DIXDC1: variants seen among roughly 807,000 people sequenced by gnomAD.
The protein encoded by DIXDC1 is DIX domain containing 1.
A neutral mutation model predicts 103.1 loss-of-function variants in DIXDC1; 64 were observed. That is an observed-to-expected ratio of 0.62 (90% CI 0.51 to 0.76). The LOEUF is 0.76. DIXDC1 is among the 30% of genes least tolerant of loss of function. DIXDC1 has a pLI of 0.00. For missense variants in DIXDC1, 759 were observed against 834.2 expected (o/e 0.91, Z 1.11); for synonymous variants, 266 against 298.5 (o/e 0.89, Z 1.12).
At chr11:112,004,281 G>A (rs1592622046) in intron 17 of DIXDC1, among the ~76,000 whole-genome samples, 2 of 152,154 alleles carry the variant, frequency 1.3e-5, no homozygotes, top group South Asian at 2.1e-4. Flanking sequence ...TGGAGCAAGG[G>A]AGCAGCTGCC....
chr11:111,970,156 G>A (rs1354388061), intron 3 of DIXDC1, among the ~76,000 whole-genome samples: 1 of 152,156 alleles, frequency 6.6e-6, no homozygotes, highest in African/African-American at 2.4e-5. Flanking sequence ...CCTAGGTTCA[G>A]CTGATTCTCC....
chr11:111,937,451 G>GGCGGCC lies in DIXDC1; in HGVS notation c.-46_-41dup. ...TGCAGAGGGAGGAGGAGGAGGCGGC[G>GGCGGCC]GCGGCCGCCGGGCTGGAGACCCCGC... On this transcript the variant is annotated 5_prime_UTR_variant, in exon 1 of 20. Transcript: ENST00000440460. The GGCGGCC allele has an allele frequency of 6.4e-7, 1 of 1,551,472 alleles. No individual in the cohort carries two copies.
At chr11:111,992,175 A>C (rs1860731127) in intron 10 of DIXDC1, among the ~76,000 whole-genome samples, 1 of 152,154 alleles carries the variant, frequency 6.6e-6, no homozygotes, top group African/African-American at 2.4e-5. Context: ...GCAGAGAAAA[A>C]AAATCAGGCT....
intron 1 of DIXDC1, among the ~76,000 whole-genome samples, chr11:111,962,340 G>A (rs1017397311): frequency 2.6e-5 from 4 of 152,190 alleles, no homozygotes; most frequent in Middle Eastern, 6.8e-3. Context: ...AAATTAGCCC[G>A]GCGTGGTGGC....
In DIXDC1 at chr11:111,974,177, G is replaced by A. The variant is rs753762086; in HGVS notation, c.471G>A (p.Gln157=). 5.9e-5 allele frequency: 96 copies of A among 1,613,894 alleles called. No homozygotes were observed. The highest frequency in any genetic ancestry group is 7.3e-5 in the Non-Finnish European group (86 of 1,179,896). ...CACACTGTGCCACTGCTGTTGCCCA[G>A]GGAGCAGCTGCTGCTCTGGCCGATG... ...HRPHCATAVA[Q]GAAAALADVC... The change falls in exon 4 of 20, where the codon CAG becomes CAA. Residue 157 remains glutamine (Q), a synonymous_variant. Transcript: ENST00000440460.
chr11:111,964,855 T>C, intron 2 of DIXDC1, among the ~76,000 whole-genome samples, 177 bp downstream of exon 2: 1 of 152,234 alleles, frequency 6.6e-6, no homozygotes, highest in African/African-American at 2.4e-5. Flanking sequence ...CAATAAACAT[T>C]GTGTCCCGGG....
At chr11:111,937,161 G>T, upstream of DIXDC1, 2 of 983,436 alleles carry the variant, frequency 2.0e-6, no homozygotes, top group Non-Finnish European at 2.4e-6. Context: ...GCGTGCGGGC[G>T]TGCAGCGCGC....
In DIXDC1 at chr11:112,017,980, T is replaced by A; in HGVS notation, c.1971+95T>A. On this transcript the variant is annotated intron_variant, in intron 19 of 19. Transcript: ENST00000440460. This position sits in a 1 kb window ranked among gnomAD's most constrained non-coding sequence, Gnocchi z 4.0. ...CACTAGTGTCCAGAAGTACATGAGTTCCCTGACTAGGTCAGAAGAATTTGC... is the reference window on the plus strand; with the variant it reads ...CACTAGTGTCCAGAAGTACATGAGTACCCTGACTAGGTCAGAAGAATTTGC... The A allele has an allele frequency of 2.1e-6, 2 of 948,266 alleles. No individual in the cohort carries two copies. The highest frequency in any genetic ancestry group is 2.4e-5 in the Admixed American group (1 of 42,064). The allele number at this position is 948,266 out of a possible 1,614,324, so 58.7% of individuals were successfully genotyped here.
At chr11:111,953,597 C>T (rs374665994) in intron 1 of DIXDC1, among the ~76,000 whole-genome samples, 9 of 152,266 alleles carry the variant, frequency 5.9e-5, no homozygotes, top group African/African-American at 1.9e-4. Flanking sequence ...AAGATCACAC[C>T]ATTGCACTCC....
At chr11:111,990,851 C>A (rs916559274) in intron 10 of DIXDC1, among the ~76,000 whole-genome samples, 2 of 152,046 alleles carry the variant, frequency 1.3e-5, no homozygotes, top group Non-Finnish European at 2.9e-5. Context: ...GGATTACAGG[C>A]GTGTGCCACC....
chr11:111,950,281 G>A (rs1966735345), intron 1 of DIXDC1, among the ~76,000 whole-genome samples: 1 of 150,972 alleles, frequency 6.6e-6, no homozygotes. Flanking sequence ...CTTGAATGAA[G>A]AAGCTGAGTA....
intron 4 of DIXDC1, among the ~76,000 whole-genome samples, chr11:111,974,551 G>A (rs1555172408): frequency 6.6e-6 from 1 of 152,188 alleles, no homozygotes; most frequent in Non-Finnish European, 1.5e-5. Flanking sequence ...TGGGAGGTCC[G>A]TGGGAGCAGT....
Position 111,977,364 on chromosome 11 carries a change from G to GC in DIXDC1, c.656+2383dup. ...GCTGGGGACTCGAGGCGCAGCCTGCGCCGCCGGGAGCCTCCCTCCCAGTGG... is the reference window on the plus strand; with the variant it reads ...GCTGGGGACTCGAGGCGCAGCCTGCGCCCGCCGGGAGCCTCCCTCCCAGTGG... On this transcript the variant is annotated intron_variant, in intron 5 of 19. Transcript: ENST00000440460. This position sits in a 1 kb window ranked among gnomAD's most constrained non-coding sequence, Gnocchi z 6.1. The GC allele has an allele frequency of 1.9e-6, 2 of 1,067,570 alleles. No individual in the cohort carries two copies. Among genetic ancestry groups the GC allele is most frequent in the Non-Finnish European group, 2.3e-6 (2 of 881,906 alleles). The allele number at this position is 1,067,570 out of a possible 1,614,324, so 66.1% of individuals were successfully genotyped here.
chr11:111,947,831 G>A (rs1390150219), intron 1 of DIXDC1, among the ~76,000 whole-genome samples: 7 of 152,064 alleles, frequency 4.6e-5, no homozygotes, highest in South Asian at 2.1e-4. Context: ...TTTCATCAAT[G>A]ATTTAATTGA....
At chr11:111,967,287 C>G (rs1177665461) in intron 2 of DIXDC1, among the ~76,000 whole-genome samples, 2 of 152,236 alleles carry the variant, frequency 1.3e-5, no homozygotes, top group African/African-American at 2.4e-5. Context: ...GTCCTTCCCC[C>G]TACCAATCCC....
At chr11:111,970,048 A>G (rs1327755154) in intron 3 of DIXDC1, among the ~76,000 whole-genome samples, 2 of 152,094 alleles carry the variant, frequency 1.3e-5, no homozygotes, top group Admixed American at 1.3e-4. Context: ...GTGTGCAAAA[A>G]TCAGTAGCAT....
Position 111,980,745 on chromosome 11 carries a change from C to T in DIXDC1, c.665C>T (p.Ser222Leu). The change falls in exon 6 of 20, where the codon TCA (serine) becomes TTA (leucine). Residue 222 changes from serine (S) to leucine (L), a missense_variant. Coordinates refer to ENST00000440460, the MANE Select transcript of DIXDC1 (RefSeq NM_001037954.4). ...PSESSCSSLT[S>L]PSPIHSAKSE... ...TTTTTCTTCAATCACAGCCTGACTT[C>T]ACCCAGTCCAATCCACAGTGCAAAG... The T allele has an allele frequency of 6.2e-7, 1 of 1,613,532 alleles. No individual in the cohort carries two copies. Among genetic ancestry groups the T allele is most frequent in the South Asian group, 1.1e-5 (1 of 90,976 alleles).
At chr11:112,004,026 T>TA (rs1861149643) in intron 17 of DIXDC1, among the ~76,000 whole-genome samples, 1 of 128,516 alleles carries the variant, frequency 7.8e-6, no homozygotes, top group African/African-American at 3.0e-5. Context: ...AAAAAAAAAA[T>TA]TATATATATA....
chr11:111,996,661 G>A (rs1326026116), intron 17 of DIXDC1, among the ~76,000 whole-genome samples: 5 of 152,034 alleles, frequency 3.3e-5, no homozygotes, highest in African/African-American at 1.2e-4. Context: ...GACCAGCCTG[G>A]CCAACATGGT....
Sources: gnomAD v4.1 joint callset for allele counts (sites outside exome capture counted in the v4.1 genomes callset) on GRCh38, gnomAD v4.1.1 for gene constraint, Gnocchi (gnomAD v3.1) non-coding constraint, MANE v1.5 for transcripts, NCBI Gene and HGNC (gene_info 2026-07-23, HGNC 2026-07-21) for gene names.